Variants in BBS5 observed in about 807,000 individuals in gnomAD.
BBS5 encodes Bardet-Biedl syndrome 5, also known as BBSome complex member BBS5.
BBS5 carries 39 observed loss-of-function variants against 50.2 expected under a neutral mutation model. The ratio of observed to expected loss-of-function variants is 0.78; its 90% CI spans 0.60 to 1.01. The LOEUF (loss-of-function observed/expected upper bound fraction) is 1.01, where lower values mean the gene tolerates loss of function less well. Among genes scored for constraint, BBS5 ranks in the 50% least tolerant of loss-of-function variants. The pLI is 0.00. For synonymous variants in BBS5, 134 were observed against 133.1 expected (o/e 1.01, Z -0.05); for missense variants, 356 against 401.5 (o/e 0.89, Z 0.97).
intron 7 of BBS5, among the ~76,000 whole-genome samples, chr2:169,496,945 A>C (rs1415186868): frequency 6.6e-6 from 1 of 152,216 alleles, no homozygotes; most frequent in Non-Finnish European, 1.5e-5. Context: ...CAGAAGGCAC[A>C]TGTGACTTTA....
chr2:169,496,101 C>T (rs1322644277), intron 7 of BBS5, among the ~76,000 whole-genome samples: 3 of 152,180 alleles, frequency 2.0e-5, no homozygotes, highest in Admixed American at 1.3e-4. Flanking sequence ...AGCATGGTAT[C>T]CCATCATCAC....
chr2:169,489,945 C>A lies in BBS5; in HGVS notation c.386+1831C>A, dbSNP rs1314394159. Among the ~76,000 whole-genome samples, 19 of 134,676 alleles carry A rather than the reference C, an allele frequency of 1.4e-4. No homozygotes were observed. In the Admixed American group the frequency reaches 1.5e-3, roughly 11 times the overall value. The allele number at this position is 134,676 out of a possible 152,430, so 88.4% of individuals were successfully genotyped here. A position where few individuals can be genotyped will look rare whatever the true frequency, so the allele number is the denominator to read the frequency against. ...GGCTGGGGTGCAGCTGCTATCTCAGCTCACTGCAAGCTCCACCTCCCAAGT... is the reference window on the plus strand; with the variant it reads ...GGCTGGGGTGCAGCTGCTATCTCAGATCACTGCAAGCTCCACCTCCCAAGT... On this transcript the variant is annotated intron_variant, in intron 5 of 11. Transcript: ENST00000295240.
Position 169,487,115 on chromosome 2 carries a change from A to G in BBS5, c.189A>G (p.Ala63=), listed in dbSNP as rs2105294280. ...TAAGAATTCTCTGGCACTCTTTGGC[A>G]TTATCAAGAGTCAATGTTTGTAAGT... ...TNLRILWHSL[A]LSRVNVSVGY... is the part of the protein sequence containing the mutation. The change falls in exon 3 of 12, where the codon GCA becomes GCG. Residue 63 remains alanine (A), a synonymous_variant. Transcript: ENST00000295240. 4.3e-6 allele frequency: 7 copies of G among 1,611,226 alleles called. No individual in the cohort carries two copies. The highest frequency in any genetic ancestry group is 5.9e-6 in the Non-Finnish European group (7 of 1,177,756).
chr2:169,488,780 G>C (rs914763986), intron 5 of BBS5, among the ~76,000 whole-genome samples: 2 of 152,158 alleles, frequency 1.3e-5, no homozygotes, highest in African/African-American at 4.8e-5. Flanking sequence ...AACTACTGAA[G>C]ATTCATTAAA....
chr2:169,504,244 C>T, intron 10 of BBS5, 59 bp from the exon 11 acceptor site: 2 of 1,446,312 alleles, frequency 1.4e-6, no homozygotes, highest in South Asian at 1.1e-5. Context: ...CCTTAGCCCA[C>T]TGATCTATTC....
intron 6 of BBS5, 137 bp from the exon 7 acceptor site, chr2:169,493,604 C>T (rs1683641180): frequency 1.4e-6 from 1 of 700,060 alleles, no homozygotes; most frequent in Non-Finnish European, 2.6e-6. Flanking sequence ...ATTGTACTGC[C>T]ATCAATGAAT....
chr2:169,483,293 C>A (rs1182179426), intron 2 of BBS5, among the ~76,000 whole-genome samples: 1 of 152,070 alleles, frequency 6.6e-6, no homozygotes. Context: ...AGATTGGTTC[C>A]CCTCAGAGAC....
At position 169,505,112 on chromosome 2, in the gene BBS5, A is replaced by G. The variant is rs1683882011; in HGVS notation, c.*530A>G. The G allele has an allele frequency of 2.2e-6, 2 of 901,318 alleles. No homozygotes were observed. Among genetic ancestry groups the G allele is most frequent in the Non-Finnish European group, 3.5e-6 (2 of 568,756 alleles). 55.8% of individuals were successfully genotyped at this position (901,318 alleles called of 1,614,324 possible). On this transcript the variant is annotated 3_prime_UTR_variant, in exon 12 of 12. Coordinates refer to ENST00000295240, the MANE Select transcript of BBS5 (RefSeq NM_152384.3). ...TGCGATTACAGGCGCGCGCCGCCAC[A>G]CCTGACTGGTTTTCGTATTTTTTTG...
At chr2:169,498,400 C>A (rs1683733199) in intron 8 of BBS5, among the ~76,000 whole-genome samples, 1 of 152,098 alleles carries the variant, frequency 6.6e-6, no homozygotes, top group Non-Finnish European at 1.5e-5. Flanking sequence ...TTCTCCTGGC[C>A]TACAGCTGCC....
intron 10 of BBS5, among the ~76,000 whole-genome samples, chr2:169,503,753 A>G (rs1683850213): frequency 6.6e-6 from 1 of 152,226 alleles, no homozygotes; most frequent in Non-Finnish European, 1.5e-5. Context: ...CTTATAGCCA[A>G]AATAATAGTG....
chr2:169,480,613 G>T (rs1444425695), intron 1 of BBS5, among the ~76,000 whole-genome samples: 2 of 147,918 alleles, frequency 1.4e-5, no homozygotes, highest in African/African-American at 5.0e-5. Context: ...AAAGGAATTC[G>T]TAAAATTACG....
At chr2:169,499,383 T>G in intron 8 of BBS5, 103 bp from the exon 9 acceptor site, 1 of 1,227,456 alleles carries the variant, frequency 8.1e-7, no homozygotes, top group Non-Finnish European at 1.1e-6. Context: ...AACTTACGTA[T>G]TATGCTCTAA....
At chr2:169,498,443 A>G (rs983814366) in intron 8 of BBS5, among the ~76,000 whole-genome samples, 24 of 152,210 alleles carry the variant, frequency 1.6e-4, no homozygotes. Flanking sequence ...TCCAAGAACT[A>G]TACCAAATGT....
chr2:169,487,025 G>T, intron 2 of BBS5, 44 bp from the exon 3 acceptor site: 1 of 1,330,342 alleles, frequency 7.5e-7, no homozygotes, highest in South Asian at 1.2e-5. Flanking sequence ...TGCAAAAATG[G>T]GTTCTTATTT....
chr2:169,487,069 G>A lies in BBS5; in HGVS notation c.143G>A (p.Gly48Asp), dbSNP rs766842145. 1.9e-6 allele frequency: 3 copies of A among 1,608,668 alleles called. No individual in the cohort carries two copies. The highest frequency in any genetic ancestry group is 1.3e-5 in the African/African-American group (1 of 74,704). ...CTATTTTTTGTCTGTGTGCTTTTAG[G>A]TAGACTCTTGGTAACAAATTTAAGA... is the stretch of plus-strand genomic sequence containing the variant. ...EDTKGNNGDR[G>D]RLLVTNLRIL... is the part of the protein sequence containing the mutation. Residue 48 changes from glycine to aspartate, a missense_variant and splice_region_variant, in exon 3 of 12, where the codon GGT becomes GAT. Coordinates refer to ENST00000295240, the MANE Select transcript of BBS5 (RefSeq NM_152384.3).
chr2:169,495,801 G>T (rs140599794), intron 7 of BBS5, among the ~76,000 whole-genome samples: 9 of 152,134 alleles, frequency 5.9e-5, no homozygotes, highest in Non-Finnish European at 1.2e-4. Flanking sequence ...GACCACAGGC[G>T]TGCACAGCCA....
intron 5 of BBS5, among the ~76,000 whole-genome samples, chr2:169,490,833 C>G (rs1327506137): frequency 6.6e-6 from 1 of 152,178 alleles, no homozygotes; most frequent in African/African-American, 2.4e-5. Flanking sequence ...TCCACAGCCC[C>G]TGATAACCTC....
intron 1 of BBS5, among the ~76,000 whole-genome samples, chr2:169,480,763 C>G (rs571582093): frequency 4.0e-5 from 6 of 148,190 alleles, no homozygotes; most frequent in African/African-American, 7.4e-5. Context: ...CTCACTGCGA[C>G]CTCCGCCTCC....
At chr2:169,497,355 C>T (rs1057489615) in intron 7 of BBS5, among the ~76,000 whole-genome samples, 2 of 152,072 alleles carry the variant, frequency 1.3e-5, no homozygotes, top group Non-Finnish European at 2.9e-5. Flanking sequence ...AATGTTTACT[C>T]CCTGGAAGTG....
Sources: allele counts gnomAD v4.1 joint callset (sites outside exome capture counted in the v4.1 genomes callset), GRCh38; gene constraint gnomAD v4.1.1; transcripts MANE v1.5; gene names NCBI Gene and HGNC (gene_info 2026-07-23, HGNC 2026-07-21).